The following RSF1 variants were observed in gnomAD, a reference collection of about 807,000 sequenced individuals.
The protein encoded by RSF1 is HBV pX-associated protein 8.
A neutral mutation model predicts 145.2 loss-of-function variants in RSF1; 13 were observed. That is an observed-to-expected ratio of 0.09 (90% confidence interval 0.06 to 0.14). RSF1 has a LOEUF of 0.14. RSF1 is among the 10% of genes least tolerant of loss of function. The pLI, the probability that RSF1 is intolerant of heterozygous loss-of-function variation, is 1.00. For synonymous variants in RSF1, 577 were observed against 592.6 expected (o/e 0.97, Z 0.38); for missense variants, 1,517 against 1,718.2 (o/e 0.88, Z 2.07).
At chr11:77,803,800 C>T (rs544985743) in intron 1 of RSF1, among the ~76,000 whole-genome samples, 1 of 151,958 alleles carries the variant, frequency 6.6e-6, no homozygotes, top group Non-Finnish European at 1.5e-5. Context: ...TTATGCATGG[C>T]CAAGTGTGGT....
At chr11:77,767,517 C>T (rs1292110018) in intron 1 of RSF1, among the ~76,000 whole-genome samples, 1 of 152,214 alleles carries the variant, frequency 6.6e-6, no homozygotes, top group Non-Finnish European at 1.5e-5. Context: ...CAATTCTTCT[C>T]TCTTACTTCC....
At chr11:77,762,027 C>CTTTTTTTTTTTTTTTTTTTTTT (rs781501235) in intron 2 of RSF1, 2 of 58,756 alleles carry the variant, frequency 3.4e-5, no homozygotes, top group African/African-American at 7.8e-5. Flanking sequence ...CTTTTCTTTT[C>CTTTTTTTTTTTTTTTTTTTTTT]TTTTTTTTTT....
At chr11:77,726,660 C>T (rs1961060455) in intron 4 of RSF1, among the ~76,000 whole-genome samples, 1 of 152,026 alleles carries the variant, frequency 6.6e-6, no homozygotes, top group African/African-American at 2.4e-5. Flanking sequence ...CTAGATATGC[C>T]ACTAGATTAT....
the RSF1 span, among the ~76,000 whole-genome samples, chr11:77,858,312 T>C: frequency 7.3e-6 from 1 of 136,774 alleles, no homozygotes; most frequent in Non-Finnish European, 1.6e-5. Flanking sequence ...CTTTTTTTTT[T>C]TTTTTTTTTT....
chr11:77,823,901 T>C (rs565137843), upstream of RSF1, among the ~76,000 whole-genome samples: 1 of 152,106 alleles, frequency 6.6e-6, no homozygotes, highest in African/African-American at 2.4e-5. Context: ...CCAGTGAGGT[T>C]GTGAAATAAC....
At chr11:77,869,771 G>A in the RSF1 span, 4 of 1,613,902 alleles carry the variant, frequency 2.5e-6, no homozygotes, top group Non-Finnish European at 2.5e-6. Context: ...GTTGAGAAGG[G>A]TGTACAGACT....
At chr11:77,820,125 G>A (rs1295130258) in intron 1 of RSF1, among the ~76,000 whole-genome samples, 2 of 152,156 alleles carry the variant, frequency 1.3e-5, no homozygotes, top group African/African-American at 2.4e-5. Context: ...AGTAAGGGTG[G>A]GGAGGAGGAG....
intron 1 of RSF1, among the ~76,000 whole-genome samples, chr11:77,815,362 G>T (rs1201013761): frequency 1.3e-5 from 2 of 152,022 alleles, no homozygotes; most frequent in East Asian, 3.8e-4. Context: ...CCTTTTGTGG[G>T]ATCTACTCTA....
chr11:77,676,703 C>T (rs1465025280), intron 13 of RSF1, 89 bp downstream of exon 13: 1 of 1,068,174 alleles, frequency 9.4e-7, no homozygotes, highest in African/African-American at 1.6e-5. Context: ...AGAAGAAAAC[C>T]CTCATCACAG....
chr11:77,687,821 A>G (rs1369067178), intron 9 of RSF1, among the ~76,000 whole-genome samples: 1 of 152,238 alleles, frequency 6.6e-6, no homozygotes, highest in Non-Finnish European at 1.5e-5. Context: ...TTAAAATAAA[A>G]ATTTCTAAAA....
At chr11:77,674,464 A>G (rs982282802) in intron 14 of RSF1, among the ~76,000 whole-genome samples, 3 of 152,254 alleles carry the variant, frequency 2.0e-5, no homozygotes, top group African/African-American at 7.2e-5. Context: ...ACAGCTGGGC[A>G]TCTGAGGGAA....
At chr11:77,785,307 T>A (rs1165185824) in intron 1 of RSF1, among the ~76,000 whole-genome samples, 1 of 152,148 alleles carries the variant, frequency 6.6e-6, no homozygotes, top group Non-Finnish European at 1.5e-5. Flanking sequence ...AAAGCAACAT[T>A]GGCTGGGCAC....
the RSF1 span, among the ~76,000 whole-genome samples, chr11:77,857,453 T>C: frequency 6.6e-6 from 1 of 152,240 alleles, no homozygotes; most frequent in South Asian, 2.1e-4. Context: ...TTTATTTTTA[T>C]AGGAATATCT....
rs186849564 is a variant in RSF1, at chr11:77,781,607, A to G, written c.188-16918T>C. The stretch of plus-strand genomic sequence containing the variant: ...ATTGTCTAAGAGTTCCAACTGTTTC[A>G]CATCCTCAAAAACACTTGAGGTGTC... On this transcript the variant is annotated intron_variant, in intron 1 of 15. Transcript: ENST00000308488. Among the ~76,000 whole-genome samples, 13 of 152,344 alleles carry G rather than the reference A, an allele frequency of 8.5e-5. 1 individual carries two copies. Among genetic ancestry groups the G allele is most frequent in the African/African-American group, 2.6e-4 (11 of 41,578 alleles).
At chr11:77,765,877 A>G (rs557149995) in intron 1 of RSF1, among the ~76,000 whole-genome samples, 120 of 152,182 alleles carry the variant, frequency 7.9e-4, no homozygotes, top group African/African-American at 2.7e-3. Context: ...CCTCCCAAGT[A>G]GCTGGAATTA....
At chr11:77,792,648 C>T (rs753904013) in intron 1 of RSF1, among the ~76,000 whole-genome samples, 3 of 151,540 alleles carry the variant, frequency 2.0e-5, no homozygotes, top group Non-Finnish European at 4.4e-5. Context: ...CCAAAGAAAT[C>T]ATACAGAGAT....
Position 77,676,956 on chromosome 11 carries a change from A to T in RSF1, c.3177T>A (p.Arg1059=). The change falls in exon 13 of 16, where the codon CGT becomes CGA. Residue 1059 remains arginine (R), a synonymous_variant. Transcript: ENST00000308488. ...GKDISTITGH[R]GKDISTILDE... is the part of the protein sequence containing the mutation. The stretch of plus-strand genomic sequence containing the variant: ...CCAAAATAGTAGAGATGTCTTTCCC[A>T]CGATGACCTGTGATGGTGGAGATAT... The T allele has an allele frequency of 6.2e-7, 1 of 1,614,098 alleles. No individual in the cohort carries two copies. The highest frequency in any genetic ancestry group is 8.5e-7 in the Non-Finnish European group (1 of 1,180,006).
intron 1 of RSF1, among the ~76,000 whole-genome samples, chr11:77,765,944 C>T (rs1284703408): frequency 3.3e-5 from 5 of 152,102 alleles, no homozygotes; most frequent in Admixed American, 3.3e-4. Context: ...GACAGGGTTT[C>T]ACCACGTTGG....
chr11:77,848,626 C>G, the RSF1 span, among the ~76,000 whole-genome samples: 37 of 152,158 alleles, frequency 2.4e-4, no homozygotes, highest in Admixed American at 2.4e-3. Context: ...TCCCAAAGTG[C>G]TGGGATTACA....
Sources: gnomAD v4.1 joint callset for allele counts (sites outside exome capture counted in the v4.1 genomes callset) on GRCh38, gnomAD v4.1.1 for gene constraint, MANE v1.5 for transcripts, NCBI Gene and HGNC (gene_info 2026-07-23, HGNC 2026-07-21) for gene names.